SLC39A11: variants seen among roughly 807,000 people sequenced by gnomAD.
SLC39A11 encodes zinc transporter ZIP11.
A neutral mutation model predicts 36.1 loss-of-function variants in SLC39A11; 33 were observed. The ratio of observed to expected loss-of-function variants is 0.91; its 90% CI spans 0.69 to 1.22. SLC39A11 has a LOEUF of 1.22. SLC39A11 is among the 50% of genes most tolerant of loss of function. The pLI is 0.00. For missense variants in SLC39A11, 432 were observed against 430.3 expected, an observed-to-expected ratio of 1.00 and a Z score of -0.03; for synonymous variants, 166 against 170.3, an observed-to-expected ratio of 0.97 and a Z score of 0.20.
At chr17:72,895,988 CT>C (rs377060948) in intron 5 of SLC39A11, among the ~76,000 whole-genome samples, 3,155 of 150,712 alleles carry the variant, frequency 0.021, 41 homozygotes, top group Non-Finnish European at 0.033. Flanking sequence ...TATTTTTAAT[CT>C]TTTTTTTTGG....
At chr17:73,082,085 A>G (rs1390390356) in intron 3 of SLC39A11, among the ~76,000 whole-genome samples, 1 of 143,770 alleles carries the variant, frequency 7.0e-6, no homozygotes, top group Non-Finnish European at 1.5e-5. Flanking sequence ...TTAACCAAAC[A>G]TCACCTGTTC....
At chr17:72,829,765 C>T (rs377604613) in intron 6 of SLC39A11, among the ~76,000 whole-genome samples, 5 of 152,210 alleles carry the variant, frequency 3.3e-5, no homozygotes, top group African/African-American at 1.2e-4. Flanking sequence ...GCACTCACAC[C>T]CCTACCCAGT....
chr17:73,009,549 A>G (rs1293972458), intron 4 of SLC39A11, among the ~76,000 whole-genome samples: 3 of 152,100 alleles, frequency 2.0e-5, no homozygotes, highest in Non-Finnish European at 4.4e-5. Flanking sequence ...GGCGGTGGAG[A>G]GTAAGCGAAG....
chr17:72,893,898 G>T (rs2081891087), intron 5 of SLC39A11, among the ~76,000 whole-genome samples: 1 of 152,114 alleles, frequency 6.6e-6, no homozygotes, highest in African/African-American at 2.4e-5. Context: ...TTTCCTTTTA[G>T]ATATTTCCTC....
At chr17:72,669,452 T>C (rs1489097609) in intron 7 of SLC39A11, among the ~76,000 whole-genome samples, 1 of 152,204 alleles carries the variant, frequency 6.6e-6, no homozygotes, top group Admixed American at 6.5e-5. Flanking sequence ...AGCTATTTTG[T>C]AGAATGTCTC....
chr17:72,910,883 C>T (rs1489285051), intron 5 of SLC39A11, among the ~76,000 whole-genome samples: 4 of 144,002 alleles, frequency 2.8e-5, no homozygotes, highest in African/African-American at 7.8e-5. Flanking sequence ...GCCAAGATCA[C>T]ACCACTGTAC....
intron 4 of SLC39A11, among the ~76,000 whole-genome samples, chr17:72,988,669 TTC>T (rs2148266072): frequency 6.6e-6 from 1 of 152,212 alleles, no homozygotes; most frequent in South Asian, 2.1e-4. Flanking sequence ...CAGTTCTACT[TTC>T]TGTTTCTATG....
rs144062203 is a variant in SLC39A11, at chr17:72,833,820, C to T, written c.601+15814G>A. The stretch of plus-strand genomic sequence containing the variant: ...GCTCTCGAGCCTGCTACACAAGTCC[C>T]GGCACAACTCGCAACCCACTTCAGT... On this transcript the variant is annotated intron_variant, in intron 6 of 9. Coordinates refer to ENST00000255559, the MANE Select transcript of SLC39A11 (RefSeq NM_139177.4). 1.1e-4 allele frequency among the ~76,000 whole-genome samples: 16 copies of T among 152,202 alleles called. No homozygotes were observed. In the East Asian group the frequency reaches 2.3e-3, roughly 22 times the overall value.
rs74404334 is a variant in SLC39A11 at position 72,943,045 on chromosome 17, A to C, written c.430+4707T>G. On this transcript the variant is annotated intron_variant, in intron 5 of 9. Transcript: ENST00000255559. ...CCTAAGGGAGGATGTTTAACAGGGA[A>C]AATGGGAGAAAGGGATGATTCCAAA... is the stretch of plus-strand genomic sequence containing the variant. Among the ~76,000 whole-genome samples the C allele has an allele frequency of 2.5e-3, 385 of 152,342 alleles. 3 individuals carry two copies. The highest frequency in any genetic ancestry group is 9.1e-3 in the African/African-American group (377 of 41,580).
At chr17:72,939,092 G>A (rs1291738468) in intron 5 of SLC39A11, among the ~76,000 whole-genome samples, 2 of 152,182 alleles carry the variant, frequency 1.3e-5, no homozygotes, top group Non-Finnish European at 2.9e-5. Context: ...AGTGATCAGA[G>A]TATGGGGTTG....
chr17:72,763,275 G>C (rs2075652051), intron 6 of SLC39A11, among the ~76,000 whole-genome samples: 2 of 152,156 alleles, frequency 1.3e-5, no homozygotes, highest in Admixed American at 1.3e-4. Flanking sequence ...GAGTTCCACA[G>C]TTAAATATTA....
intron 3 of SLC39A11, among the ~76,000 whole-genome samples, chr17:73,055,608 T>C (rs1315924237): frequency 1.3e-5 from 2 of 150,514 alleles, no homozygotes; most frequent in African/African-American, 2.4e-5. Context: ...AATTTGTGTA[T>C]GTAGAAATGA....
intron 5 of SLC39A11, among the ~76,000 whole-genome samples, chr17:72,893,805 C>T (rs566629392): frequency 2.6e-5 from 4 of 152,274 alleles, no homozygotes; most frequent in Non-Finnish European, 4.4e-5. Flanking sequence ...ACCAAGGAGG[C>T]TGGATAAGTC....
At chr17:73,069,024 C>T (rs1241139970) in intron 3 of SLC39A11, among the ~76,000 whole-genome samples, 2 of 152,140 alleles carry the variant, frequency 1.3e-5, no homozygotes, top group Non-Finnish European at 2.9e-5. Context: ...GCATCACCTC[C>T]CAACCAAACG....
At chr17:72,895,054 T>C (rs148622848) in intron 5 of SLC39A11, among the ~76,000 whole-genome samples, 98 of 152,248 alleles carry the variant, frequency 6.4e-4, no homozygotes, top group Non-Finnish European at 5.4e-4. Flanking sequence ...AACAGAAGAA[T>C]GTTTCTTTGG....
At chr17:72,916,961 T>C (rs890997334) in intron 5 of SLC39A11, among the ~76,000 whole-genome samples, 1 of 152,116 alleles carries the variant, frequency 6.6e-6, no homozygotes, top group African/African-American at 2.4e-5. Context: ...CTGAAAACAT[T>C]TGCAAATTAA....
At position 72,816,126 on chromosome 17, in the gene SLC39A11, C is replaced by T. The variant is rs6501567; in HGVS notation, c.601+33508G>A. ...AAGTCCTATGTGCTTCATTCTAAATCATCTGTCCTTATTTCTGTAGGCTGA... is the reference window on the plus strand; with the variant it reads ...AAGTCCTATGTGCTTCATTCTAAATTATCTGTCCTTATTTCTGTAGGCTGA... On this transcript the variant is annotated intron_variant, in intron 6 of 9. Coordinates refer to ENST00000255559, the MANE Select transcript of SLC39A11 (RefSeq NM_139177.4). Among the ~76,000 whole-genome samples the T allele has an allele frequency of 9.3e-3, 1,414 of 152,332 alleles. 30 individuals are homozygous for T. The highest frequency in any genetic ancestry group is 0.033 in the African/African-American group (1,372 of 41,564).
chr17:73,088,192 G>C lies in SLC39A11; in HGVS notation c.108+465C>G, dbSNP rs549708299. 4.6e-5 allele frequency among the ~76,000 whole-genome samples: 7 copies of C among 151,996 alleles called. No homozygotes were observed. The East Asian group carries it at 1.4e-3, about 29-fold the overall frequency. On this transcript the variant is annotated intron_variant, in intron 2 of 9. Coordinates refer to ENST00000255559, the MANE Select transcript of SLC39A11 (RefSeq NM_139177.4). The stretch of plus-strand genomic sequence containing the variant: ...GCCTGTAATCCCAGCTACTCTGGAG[G>C]CTGAGGCAGGAGAATCACTTGAACC...
chr17:73,033,402 C>T (rs539459123), intron 3 of SLC39A11, among the ~76,000 whole-genome samples: 20 of 152,342 alleles, frequency 1.3e-4, no homozygotes, highest in South Asian at 2.1e-4. Context: ...TCTCAAATCT[C>T]AGCAAAGTCA....
Sources: allele counts gnomAD v4.1 joint callset (sites outside exome capture counted in the v4.1 genomes callset), GRCh38; gene constraint gnomAD v4.1.1; transcripts MANE v1.5; gene names NCBI Gene and HGNC (gene_info 2026-07-23, HGNC 2026-07-21).